The following NCAM1 variants were observed in gnomAD, a reference collection of about 807,000 sequenced individuals.
NCAM1 encodes neural cell adhesion molecule 1.
A neutral mutation model predicts 109.8 loss-of-function variants in NCAM1; 14 were observed. That is an observed-to-expected ratio of 0.13 (90% confidence interval 0.08 to 0.20). The LOEUF is 0.20. NCAM1 is among the 10% of genes least tolerant of loss of function. NCAM1 has a pLI of 1.00. For synonymous variants in NCAM1, 418 were observed against 442.9 expected, an observed-to-expected ratio of 0.94 and a Z score of 0.70; for missense variants, 774 against 1,109.9, an observed-to-expected ratio of 0.70 and a Z score of 4.30.
chr11:113,229,581 G>A (rs1358402747), intron 9 of NCAM1, among the ~76,000 whole-genome samples: 4 of 152,114 alleles, frequency 2.6e-5, no homozygotes, highest in Admixed American at 6.5e-5. Flanking sequence ...TCCCATTACT[G>A]GGTATATACC....
At chr11:113,009,312 G>GGTTTTTTGTTGTTT (rs1951972117) in intron 1 of NCAM1, among the ~76,000 whole-genome samples, 1 of 79,656 alleles carries the variant, frequency 1.3e-5, no homozygotes, top group African/African-American at 4.8e-5. Flanking sequence ...GTTTTTTCGG[G>GGTTTTTTGTTGTTT]TTTTTTTTTT....
rs1555064392 is a variant in NCAM1 at position 112,963,958 on chromosome 11, G to C, written c.52+2294G>C. Among the ~76,000 whole-genome samples the C allele has an allele frequency of 6.6e-6, 1 of 152,052 alleles. No homozygotes were observed. Among genetic ancestry groups the C allele is most frequent in the Admixed American group, 6.5e-5 (1 of 15,272 alleles). On this transcript the variant is annotated intron_variant, in intron 1 of 19. Transcript: ENST00000316851. The surrounding 1 kb of genome is among the most constrained non-coding windows in gnomAD (Gnocchi z 4.6). ...CAGAACGTGAAACACATACAAGGTT[G>C]CTTAACAAAAGAAAGAAGTTGAATG...
chr11:113,046,162 T>A (rs1285740459), intron 1 of NCAM1, among the ~76,000 whole-genome samples: 3 of 152,100 alleles, frequency 2.0e-5, no homozygotes, highest in Admixed American at 2.0e-4. Flanking sequence ...GAAGGCAGAG[T>A]CATAACATTA....
intron 1 of NCAM1, among the ~76,000 whole-genome samples, chr11:113,139,191 A>G (rs543840626): frequency 8.5e-5 from 13 of 152,346 alleles, no homozygotes; most frequent in Admixed American, 8.5e-4. Context: ...TCATTTAGAA[A>G]TATTCTACAG....
In NCAM1 at chr11:113,273,299, C is replaced by T. The variant is rs1349414500; in HGVS notation, c.2456+1423C>T. 3 of 348,376 alleles carry T rather than the reference C, an allele frequency of 8.6e-6. No homozygotes were observed. Among genetic ancestry groups the T allele is most frequent in the African/African-American group, 4.3e-5 (2 of 46,522 alleles). The allele number at this position is 348,376 out of a possible 1,614,324, so 21.6% of individuals were successfully genotyped here. ...AAGGGGCTGTCCTCAGCCCAAGCGCCCCTGCTGGTGTCGGGGAGGCCTCTA... is the reference window on the plus strand; with the variant it reads ...AAGGGGCTGTCCTCAGCCCAAGCGCTCCTGCTGGTGTCGGGGAGGCCTCTA... On this transcript the variant is annotated intron_variant, in intron 19 of 19. Coordinates refer to ENST00000316851, the MANE Select transcript of NCAM1 (RefSeq NM_181351.5). This position sits in a 1 kb window ranked among gnomAD's most constrained non-coding sequence, Gnocchi z 6.0.
intron 1 of NCAM1, among the ~76,000 whole-genome samples, chr11:113,053,116 C>G (rs945737455): frequency 6.6e-6 from 1 of 152,112 alleles, no homozygotes; most frequent in Non-Finnish European, 1.5e-5. Flanking sequence ...CTACACTGCT[C>G]CCACTTGTTC....
At chr11:113,275,004 T>G (rs1555126250) in intron 19 of NCAM1, among the ~76,000 whole-genome samples, 1 of 152,212 alleles carries the variant, frequency 6.6e-6, no homozygotes, top group Non-Finnish European at 1.5e-5. Flanking sequence ...ACTCAGTGCT[T>G]CTCAACTATG....
chr11:113,086,413 C>T (rs1052865787), intron 1 of NCAM1, among the ~76,000 whole-genome samples: 5 of 152,218 alleles, frequency 3.3e-5, no homozygotes, highest in African/African-American at 9.6e-5. Flanking sequence ...TGCAACGAAT[C>T]TGTCTTCTTA....
intron 1 of NCAM1, 28 bp downstream of exon 1, chr11:112,961,692 A>G (rs781963746): frequency 1.4e-6 from 2 of 1,380,584 alleles, no homozygotes; most frequent in Non-Finnish European, 2.0e-6. Context: ...TTAATTCTCA[A>G]TCTGGTTTGC....
chr11:113,224,000 C>G (rs1285512160), intron 9 of NCAM1, among the ~76,000 whole-genome samples: 1 of 152,222 alleles, frequency 6.6e-6, no homozygotes, highest in Admixed American at 6.5e-5. Flanking sequence ...CAGCTCCCAG[C>G]ATGAGCGACG....
chr11:113,001,804 A>G (rs1466906220), intron 1 of NCAM1, among the ~76,000 whole-genome samples: 1 of 148,736 alleles, frequency 6.7e-6, no homozygotes, highest in Non-Finnish European at 1.5e-5. Context: ...TCATTTAGAT[A>G]AAAAAAAAAC....
At position 112,994,398 on chromosome 11, in the gene NCAM1, T is replaced by C. The variant is rs117273865; in HGVS notation, c.52+32734T>C. Among the ~76,000 whole-genome samples the C allele has an allele frequency of 4.6e-3, 707 of 152,360 alleles. 2 individuals are homozygous for C. The highest frequency in any genetic ancestry group is 0.01 in the Middle Eastern group (3 of 294). On this transcript the variant is annotated intron_variant, in intron 1 of 19. Coordinates refer to ENST00000316851, the MANE Select transcript of NCAM1 (RefSeq NM_181351.5). Reference sequence around the variant, plus strand: ...GACTATTTTTCTCTCTGGAAACTCATAGGATCTTCTCATTATCCTTGGTGT... The same window carrying C: ...GACTATTTTTCTCTCTGGAAACTCACAGGATCTTCTCATTATCCTTGGTGT...
At chr11:113,095,412 G>A (rs1939551466) in intron 1 of NCAM1, among the ~76,000 whole-genome samples, 1 of 152,174 alleles carries the variant, frequency 6.6e-6, no homozygotes, top group African/African-American at 2.4e-5. Context: ...TCGATAATCA[G>A]TGGTTAATCA....
At chr11:113,080,465 C>CTT (rs200415631) in intron 1 of NCAM1, among the ~76,000 whole-genome samples, 16 of 140,874 alleles carry the variant, frequency 1.1e-4, no homozygotes, top group East Asian at 2.1e-4. Context: ...GGTTTTTTTT[C>CTT]TTTTTTTTTT....
chr11:113,226,547 T>C (rs595231), intron 9 of NCAM1, among the ~76,000 whole-genome samples: 53,523 of 151,996 alleles, frequency 0.35, 12,836 homozygotes, highest in African/African-American at 0.69. Context: ...CAAAGATATC[T>C]AGGAATTGAA....
intron 1 of NCAM1, among the ~76,000 whole-genome samples, chr11:113,147,716 C>A (rs1032735163): frequency 1.1e-4 from 16 of 152,190 alleles, no homozygotes; most frequent in African/African-American, 7.2e-5. Context: ...ATTTATGGGG[C>A]ATCACCTCAG....
intron 1 of NCAM1, among the ~76,000 whole-genome samples, chr11:113,070,967 T>C (rs1185833762): frequency 6.6e-6 from 1 of 152,204 alleles, no homozygotes; most frequent in Non-Finnish European, 1.5e-5. Flanking sequence ...TTCTGCAGCA[T>C]GTGGCAAGCC....
At position 113,026,322 on chromosome 11, in the gene NCAM1, G is replaced by T. The variant is rs145332643; in HGVS notation, c.52+64658G>T. Among the ~76,000 whole-genome samples, 152 of 152,288 alleles carry T rather than the reference G, an allele frequency of 1.0e-3. 1 individual carries two copies. The highest frequency in any genetic ancestry group is 3.5e-3 in the African/African-American group (146 of 41,570). ...CCTGAAGTCACAGTGGACCTAGAAT[G>T]AAGTTAACGTCGCAGTTAAGATTTT... On this transcript the variant is annotated intron_variant, in intron 1 of 19. Coordinates refer to ENST00000316851, the MANE Select transcript of NCAM1 (RefSeq NM_181351.5).
Position 112,962,429 on chromosome 11 carries a change from C to A in NCAM1, c.52+765C>A, listed in dbSNP as rs537275058. Among the ~76,000 whole-genome samples the A allele has an allele frequency of 3.3e-5, 5 of 152,060 alleles. No individual in the cohort carries two copies. Among genetic ancestry groups the A allele is most frequent in the South Asian group, 2.1e-4 (1 of 4,798 alleles). On this transcript the variant is annotated intron_variant, in intron 1 of 19. Coordinates refer to ENST00000316851, the MANE Select transcript of NCAM1 (RefSeq NM_181351.5). The surrounding 1 kb of genome is among the most constrained non-coding windows in gnomAD (Gnocchi z 5.6). ...GAGGGCGAGGAGGGCGTGATTGGGG[C>A]TGCCTGGTGTGTGCGCGCGCGTGTG...
Sources: gnomAD v4.1 joint callset for allele counts (sites outside exome capture counted in the v4.1 genomes callset) on GRCh38, gnomAD v4.1.1 for gene constraint, Gnocchi (gnomAD v3.1) non-coding constraint, MANE v1.5 for transcripts, NCBI Gene and HGNC (gene_info 2026-07-23, HGNC 2026-07-21) for gene names.